HIVEP1: variants seen among roughly 807,000 people sequenced by gnomAD.
HIVEP1 encodes zinc finger protein 40.
Under a neutral mutation model 180.0 loss-of-function variants are expected in HIVEP1, and 36 were observed. That is an observed-to-expected ratio of 0.20 (90% CI 0.15 to 0.26). HIVEP1 has a LOEUF of 0.26. HIVEP1 is among the 10% of genes least tolerant of loss of function. The pLI, the probability that HIVEP1 is intolerant of heterozygous loss-of-function variation, is 1.00. For missense variants in HIVEP1, 3,143 were observed against 3,268.7 expected (o/e 0.96, Z 0.94); for synonymous variants, 1,239 against 1,239.0 (o/e 1.00, Z 0.00).
At chr6:12,055,490 A>G (rs1179333034) in intron 2 of HIVEP1, among the ~76,000 whole-genome samples, 1 of 152,126 alleles carries the variant, frequency 6.6e-6, no homozygotes, top group Non-Finnish European at 1.5e-5. Flanking sequence ...ATAAAAAGTC[A>G]TTATTTTGTT....
At chr6:12,132,494 C>T (rs557530240) in intron 6 of HIVEP1, among the ~76,000 whole-genome samples, 1 of 152,184 alleles carries the variant, frequency 6.6e-6, no homozygotes, top group African/African-American at 2.4e-5. Context: ...GAAGGACAAC[C>T]TAGATGTGGT....
At chr6:12,018,026 G>T (rs925093284) in intron 2 of HIVEP1, among the ~76,000 whole-genome samples, 2 of 152,224 alleles carry the variant, frequency 1.3e-5, no homozygotes, top group Non-Finnish European at 2.9e-5. Flanking sequence ...CGTGGGGGGT[G>T]CTTAGGCATG....
chr6:12,033,795 T>A (rs7741598), intron 2 of HIVEP1, among the ~76,000 whole-genome samples: 1 of 152,178 alleles, frequency 6.6e-6, no homozygotes. Context: ...ACACTTCTTG[T>A]TCCTTGGAAA....
intron 3 of HIVEP1, among the ~76,000 whole-genome samples, chr6:12,099,183 G>GGTTTTTTTTTTTTTTTTTTTT (rs373744044): frequency 7.9e-5 from 11 of 138,460 alleles, no homozygotes; most frequent in African/African-American, 2.7e-4. Flanking sequence ...ATGTCACTGA[G>GGTTTTTTTTTTTTTTTTTTTT]TTTTTTTTTT....
intron 2 of HIVEP1, among the ~76,000 whole-genome samples, chr6:12,028,738 A>G (rs1310583071): frequency 1.3e-5 from 2 of 152,192 alleles, no homozygotes; most frequent in East Asian, 3.8e-4. Flanking sequence ...AATAAAATTC[A>G]CCCGTTTTAA....
chr6:12,145,018 G>A (rs1423154616), intron 7 of HIVEP1, among the ~76,000 whole-genome samples: 1 of 152,174 alleles, frequency 6.6e-6, no homozygotes, highest in African/African-American at 2.4e-5. Context: ...TCCCATTACT[G>A]GGTATATACC....
intron 2 of HIVEP1, among the ~76,000 whole-genome samples, chr6:12,059,403 C>A (rs190453158): frequency 1.5e-3 from 232 of 152,232 alleles, no homozygotes; most frequent in African/African-American, 5.4e-3. Context: ...TGGGGATTCC[C>A]GCTAAACATT....
downstream of HIVEP1, among the ~76,000 whole-genome samples, chr6:12,167,714 TAA>T (rs1562023866): frequency 1.1e-4 from 9 of 78,686 alleles, no homozygotes; most frequent in South Asian, 3.9e-4. Flanking sequence ...CATATATGCA[TAA>T]TATATATACA....
chr6:12,164,550 CAT>C lies in HIVEP1; in HGVS notation c.*91_*92del. On this transcript the variant is annotated 3_prime_UTR_variant, in exon 9 of 9. Transcript: ENST00000379388. ...CTTTCCTTAAAGCACATTTTTCTGA[CAT>C]AAACTCATGACTAATCTTTGTGCAA... The C allele has an allele frequency of 2.0e-6, 2 of 991,186 alleles. No individual in the cohort carries two copies. Among genetic ancestry groups the C allele is most frequent in the South Asian group, 1.7e-5 (1 of 57,202 alleles). 61.4% of individuals were successfully genotyped at this position (991,186 alleles called of 1,614,324 possible).
chr6:12,108,694 G>T lies in HIVEP1; in HGVS notation c.95-11196G>T, dbSNP rs553953533. Among the ~76,000 whole-genome samples the T allele has an allele frequency of 1.8e-3, 281 of 152,310 alleles. 1 individual carries two copies. The highest frequency in any genetic ancestry group is 6.4e-3 in the African/African-American group (268 of 41,588). On this transcript the variant is annotated intron_variant, in intron 3 of 8. Transcript: ENST00000379388. ...GCCGGCTGCTCCGAGTGCGGGGCCC[G>T]CCAAGCCCACGCCCACCCGGAGCTC...
At chr6:12,188,696 A>G in the HIVEP1 span, among the ~76,000 whole-genome samples, 1 of 152,052 alleles carries the variant, frequency 6.6e-6, no homozygotes, top group South Asian at 2.1e-4. Context: ...GAGTAACATA[A>G]AAATATTATC....
At chr6:12,053,990 A>T (rs1770703945) in intron 2 of HIVEP1, among the ~76,000 whole-genome samples, 2 of 148,964 alleles carry the variant, frequency 1.3e-5, no homozygotes, top group South Asian at 4.1e-4. Context: ...ACAACTTGTT[A>T]GTATCAGAAA....
chr6:12,164,932 A>G lies in HIVEP1; in HGVS notation c.*471A>G, dbSNP rs1453226922. On this transcript the variant is annotated 3_prime_UTR_variant, in exon 9 of 9. Transcript: ENST00000379388. ...GTCTGTCCTCCTTGTGTAAGACAGT[A>G]ACTTTACACTTCAGACAGATTTTCT... 3.2e-6 allele frequency: 1 copy of G among 315,440 alleles called. No individual in the cohort carries two copies. The highest frequency in any genetic ancestry group is 6.2e-6 in the Non-Finnish European group (1 of 162,446). 19.5% of individuals were successfully genotyped at this position (315,440 alleles called of 1,614,324 possible).
Position 12,120,749 on chromosome 6 carries a change from G to A in HIVEP1, c.954G>A (p.Glu318=). 6.2e-7 allele frequency: 1 copy of A among 1,614,194 alleles called. No homozygotes were observed. Among genetic ancestry groups the A allele is most frequent in the Non-Finnish European group, 8.5e-7 (1 of 1,180,046 alleles). The change falls in exon 4 of 9, where the codon GAG becomes GAA. Residue 318 remains glutamate, a synonymous_variant. Transcript: ENST00000379388. ...CACTGACAAATCTGCAAAATCAAGA[G>A]AATGCCAAACTTGAACAGGTTTATA... ...TGSLTNLQNQ[E]NAKLEQVYNI... is the part of the protein sequence containing the mutation.
intron 7 of HIVEP1, among the ~76,000 whole-genome samples, chr6:12,154,584 T>A (rs1222849506): frequency 6.6e-6 from 1 of 152,106 alleles, no homozygotes; most frequent in Non-Finnish European, 1.5e-5. Flanking sequence ...ATGCATAGAA[T>A]TGTATGTTCA....
the HIVEP1 span, among the ~76,000 whole-genome samples, chr6:12,197,812 A>T: frequency 6.6e-6 from 1 of 152,300 alleles, no homozygotes; most frequent in African/African-American, 2.4e-5. Flanking sequence ...GGACTGTTAA[A>T]GTGATGGGTA....
At chr6:12,150,935 T>G (rs1270021146) in intron 7 of HIVEP1, among the ~76,000 whole-genome samples, 2 of 152,112 alleles carry the variant, frequency 1.3e-5, no homozygotes, top group African/African-American at 2.4e-5. Flanking sequence ...TGCTACTGAG[T>G]GTACGTGGGC....
At chr6:12,117,011 T>G (rs1775255714) in intron 3 of HIVEP1, among the ~76,000 whole-genome samples, 1 of 152,012 alleles carries the variant, frequency 6.6e-6, no homozygotes, top group African/African-American at 2.4e-5. Context: ...TGAATAAATA[T>G]GAAACAGTAA....
At chr6:12,174,859 C>T in the HIVEP1 span, among the ~76,000 whole-genome samples, 1 of 150,312 alleles carries the variant, frequency 6.7e-6, no homozygotes, top group East Asian at 2.0e-4. Context: ...GAATACATGC[C>T]AAATGTATTT....
Sources: gnomAD v4.1 joint callset for allele counts (sites outside exome capture counted in the v4.1 genomes callset) on GRCh38, gnomAD v4.1.1 for gene constraint, MANE v1.5 for transcripts, NCBI Gene and HGNC (gene_info 2026-07-23, HGNC 2026-07-21) for gene names.